Variants in DNAAF9 observed in about 807,000 individuals in gnomAD.
DNAAF9 encodes dynein axonemal assembly factor 9.
DNAAF9 carries 90 observed loss-of-function variants against 167.0 expected under a neutral mutation model. The ratio of observed to expected loss-of-function variants is 0.54; its 90% CI spans 0.45 to 0.64. The LOEUF (loss-of-function observed/expected upper bound fraction) is 0.64. Ranked by LOEUF, DNAAF9 falls within the 30% of genes least tolerant of loss-of-function variation. The probability of loss-of-function intolerance (pLI) is 0.00; values close to 1 mark genes in which losing one functional copy is unlikely to be tolerated. For synonymous variants in DNAAF9, 491 were observed against 508.8 expected, an observed-to-expected ratio of 0.96 and a Z score of 0.47; for missense variants, 1,315 against 1,442.2, an observed-to-expected ratio of 0.91 and a Z score of 1.43.
chr20:3,306,521 T>C (rs1034618897), intron 20 of DNAAF9, among the ~76,000 whole-genome samples: 9 of 152,192 alleles, frequency 5.9e-5, no homozygotes, highest in Non-Finnish European at 1.3e-4. Context: ...TTTTTTCTCA[T>C]AGGACAGATG....
At chr20:3,389,175 T>G (rs2083790971) in intron 1 of DNAAF9, among the ~76,000 whole-genome samples, 1 of 152,008 alleles carries the variant, frequency 6.6e-6, no homozygotes, top group African/African-American at 2.4e-5. Context: ...TTCACAGGTC[T>G]CACTCTGTTG....
chr20:3,255,568 C>A (rs1310238967), intron 34 of DNAAF9, among the ~76,000 whole-genome samples: 4 of 152,056 alleles, frequency 2.6e-5, no homozygotes, highest in Non-Finnish European at 4.4e-5. Context: ...TCAACCCTAC[C>A]AATGAGAGGC....
chr20:3,314,923 C>A (rs905446193), intron 20 of DNAAF9, 110 bp downstream of exon 20: 1 of 699,990 alleles, frequency 1.4e-6, no homozygotes, highest in Non-Finnish European at 2.6e-6. Context: ...CATTTCTGTA[C>A]CACAATTGTG....
chr20:3,395,044 T>C (rs1454898886), intron 1 of DNAAF9, among the ~76,000 whole-genome samples: 1 of 131,014 alleles, frequency 7.6e-6, no homozygotes, highest in Non-Finnish European at 1.6e-5. Context: ...CTCGACTCAC[T>C]GCAAGCTCCG....
chr20:3,359,401 T>A, intron 7 of DNAAF9, 115 bp downstream of exon 7: 1 of 744,354 alleles, frequency 1.3e-6, no homozygotes, highest in Non-Finnish European at 2.3e-6. Context: ...ACTGCTCTAT[T>A]TTTTGACCGA....
chr20:3,344,658 AT>A (rs2070160330), intron 8 of DNAAF9, among the ~76,000 whole-genome samples: 1 of 151,836 alleles, frequency 6.6e-6, no homozygotes, highest in African/African-American at 2.4e-5. Context: ...AGTGAACTTA[AT>A]AAATTTAATC....
At chr20:3,339,592 C>G (rs1477086887) in intron 10 of DNAAF9, among the ~76,000 whole-genome samples, 1 of 152,140 alleles carries the variant, frequency 6.6e-6, no homozygotes. Flanking sequence ...CAGTAACCCC[C>G]TATTATATTG....
At chr20:3,386,260 A>G (rs2083735337) in intron 1 of DNAAF9, among the ~76,000 whole-genome samples, 1 of 152,256 alleles carries the variant, frequency 6.6e-6, no homozygotes, top group Non-Finnish European at 1.5e-5. Flanking sequence ...ATCAAGACTG[A>G]GTGGTACTGG....
intron 27 of DNAAF9, among the ~76,000 whole-genome samples, chr20:3,284,175 T>C (rs1003105447): frequency 9.6e-3 from 616 of 64,286 alleles, no homozygotes; most frequent in Non-Finnish European, 0.014. Flanking sequence ...ACTAGAGTCT[T>C]TTTTTTTTTT....
intron 6 of DNAAF9, among the ~76,000 whole-genome samples, chr20:3,364,938 T>C: frequency 1.5e-5 from 1 of 67,238 alleles, no homozygotes; most frequent in Admixed American, 1.3e-4. Context: ...CTCCTTCTTT[T>C]CCTTTTTTCT....
chr20:3,316,346 T>C (rs576113005), intron 18 of DNAAF9, among the ~76,000 whole-genome samples: 9 of 152,206 alleles, frequency 5.9e-5, no homozygotes, highest in Admixed American at 2.0e-4. Context: ...AAAAACTCCG[T>C]AGCAACCACT....
intron 29 of DNAAF9, among the ~76,000 whole-genome samples, chr20:3,277,142 T>G (rs1055438148): frequency 3.3e-5 from 5 of 152,214 alleles, no homozygotes; most frequent in Non-Finnish European, 7.3e-5. Flanking sequence ...TGGCTTCCAG[T>G]ATCTCACTTG....
At chr20:3,274,639 C>T (rs2068648446) in intron 29 of DNAAF9, among the ~76,000 whole-genome samples, 1 of 152,220 alleles carries the variant, frequency 6.6e-6, no homozygotes, top group Non-Finnish European at 1.5e-5. Flanking sequence ...TAACACATCA[C>T]TCTAGGTTAT....
At chr20:3,303,051 AC>A (rs1306967275) in intron 21 of DNAAF9, among the ~76,000 whole-genome samples, 1 of 152,154 alleles carries the variant, frequency 6.6e-6, no homozygotes, top group Non-Finnish European at 1.5e-5. Context: ...GTCCTGGCTA[AC>A]ATAGTGAAAC....
intron 7 of DNAAF9, among the ~76,000 whole-genome samples, chr20:3,353,367 C>T (rs896620063): frequency 5.9e-5 from 9 of 151,954 alleles, no homozygotes; most frequent in African/African-American, 2.2e-4. Flanking sequence ...AAAAAGGGAC[C>T]GGGTGCGGTG....
At position 3,315,712 on chromosome 20, in the gene DNAAF9, C is replaced by A; in HGVS notation, c.1590+23G>T. ...ATTATTTTTTGATATAATGTTCACA[C>A]TGAGAATAAGAAGGCTGCTTACCCT... On this transcript the variant is annotated intron_variant, in intron 19 of 36. Coordinates refer to ENST00000252032, the MANE Select transcript of DNAAF9 (RefSeq NM_001009984.3). The surrounding 1 kb of genome is among the most constrained non-coding windows in gnomAD (Gnocchi z 4.1). 6.3e-7 allele frequency: 1 copy of A among 1,586,848 alleles called. No individual in the cohort carries two copies.
Position 3,251,260 on chromosome 20 carries a change from G to A in DNAAF9, c.*1312C>T, listed in dbSNP as rs962330459. 2.0e-5 allele frequency: 3 copies of A among 151,364 alleles called. No individual in the cohort carries two copies. The highest frequency in any genetic ancestry group is 7.3e-5 in the African/African-American group (3 of 41,118). 9.4% of individuals were successfully genotyped at this position (151,364 alleles called of 1,614,324 possible). A position where few individuals can be genotyped will look rare whatever the true frequency, so the allele number is the denominator to read the frequency against. ...TACATGTGCTCCATCTTGTCTCTCC[G>A]CTGCTCCAGGGGCCTTGCTCAAAAA... is the stretch of plus-strand genomic sequence containing the variant. On this transcript the variant is annotated 3_prime_UTR_variant, in exon 37 of 37. Coordinates refer to ENST00000252032, the MANE Select transcript of DNAAF9 (RefSeq NM_001009984.3).
At chr20:3,359,472 T>C in intron 7 of DNAAF9, 44 bp downstream of exon 7, 1 of 1,259,816 alleles carries the variant, frequency 7.9e-7, no homozygotes, top group Non-Finnish European at 1.1e-6. Context: ...GTAACTGAGC[T>C]GGACGTAATA....
intron 20 of DNAAF9, among the ~76,000 whole-genome samples, chr20:3,313,537 CTA>C (rs1404345971): frequency 1.3e-5 from 2 of 152,126 alleles, no homozygotes; most frequent in African/African-American, 2.4e-5. Flanking sequence ...CACATAAAGG[CTA>C]TATTCAACAG....
Sources: gnomAD v4.1 joint callset for allele counts (sites outside exome capture counted in the v4.1 genomes callset) on GRCh38, gnomAD v4.1.1 for gene constraint, Gnocchi (gnomAD v3.1) non-coding constraint, MANE v1.5 for transcripts, NCBI Gene and HGNC (gene_info 2026-07-23, HGNC 2026-07-21) for gene names.